The following TMC1 variants were observed in gnomAD, a reference collection of about 807,000 sequenced individuals.
The protein encoded by TMC1 is transmembrane channel like 1.
Under a neutral mutation model 105.8 loss-of-function variants are expected in TMC1, and 84 were observed. That is an observed-to-expected ratio of 0.79 (90% CI 0.67 to 0.95). The LOEUF is 0.95. Ranked by LOEUF, TMC1 falls within the 40% of genes least tolerant of loss-of-function variation. TMC1 has a pLI of 0.00. For synonymous variants in TMC1, 315 were observed against 311.5 expected (o/e 1.01, Z -0.12); for missense variants, 817 against 914.1 (o/e 0.89, Z 1.37).
At chr9:72,742,108 A>G (rs1393361618) in intron 9 of TMC1, among the ~76,000 whole-genome samples, 7 of 152,146 alleles carry the variant, frequency 4.6e-5, no homozygotes, top group Admixed American at 4.6e-4. Context: ...AATGAAAACT[A>G]ATTAAACACA....
chr9:72,789,426 A>T, intron 15 of TMC1, 109 bp downstream of exon 15: 1 of 1,044,962 alleles, frequency 9.6e-7, no homozygotes, highest in Non-Finnish European at 1.5e-6. Flanking sequence ...CCTATCCCCT[A>T]TCCTGCCCTT....
At chr9:72,768,358 G>A (rs1827872002) in intron 12 of TMC1, among the ~76,000 whole-genome samples, 1 of 152,016 alleles carries the variant, frequency 6.6e-6, no homozygotes, top group East Asian at 1.9e-4. Context: ...AGCATTAGAA[G>A]GAATACCTAA....
At chr9:72,581,237 G>A (rs1824469218) in intron 2 of TMC1, among the ~76,000 whole-genome samples, 1 of 152,172 alleles carries the variant, frequency 6.6e-6, no homozygotes, top group Non-Finnish European at 1.5e-5. Flanking sequence ...AGGGGAAATA[G>A]AAGGTTGACA....
chr9:72,802,604 T>C (rs1306827890), intron 17 of TMC1, among the ~76,000 whole-genome samples: 1 of 152,150 alleles, frequency 6.6e-6, no homozygotes, highest in Non-Finnish European at 1.5e-5. Flanking sequence ...AATAATGGAA[T>C]GAAGGCAGAA....
At chr9:72,654,882 A>G (rs185098636) in intron 5 of TMC1, among the ~76,000 whole-genome samples, 5 of 151,682 alleles carry the variant, frequency 3.3e-5, no homozygotes, top group Admixed American at 2.6e-4. Context: ...TTTTTGTAGT[A>G]CAGATCTGTT....
At chr9:72,794,220 C>G (rs907826950) in intron 17 of TMC1, among the ~76,000 whole-genome samples, 1 of 152,122 alleles carries the variant, frequency 6.6e-6, no homozygotes, top group East Asian at 1.9e-4. Flanking sequence ...AGCAAAAGAC[C>G]CTTGGCCATA....
At chr9:72,577,474 C>T (rs1824402801) in intron 1 of TMC1, among the ~76,000 whole-genome samples, 2 of 152,348 alleles carry the variant, frequency 1.3e-5, no homozygotes, top group Admixed American at 1.3e-4. Context: ...AAGTGCACTT[C>T]ATAATGCCTC....
intron 4 of TMC1, among the ~76,000 whole-genome samples, chr9:72,629,645 T>C (rs1303870744): frequency 1.3e-5 from 2 of 152,092 alleles, no homozygotes; most frequent in African/African-American, 4.8e-5. Flanking sequence ...GGGAACAACA[T>C]AGACAAAATC....
At chr9:72,661,002 A>G (rs1174081477) in intron 5 of TMC1, among the ~76,000 whole-genome samples, 2 of 152,156 alleles carry the variant, frequency 1.3e-5, no homozygotes, top group African/African-American at 4.8e-5. Flanking sequence ...AATACAAAAA[A>G]TTAGCCATGC....
intron 12 of TMC1, among the ~76,000 whole-genome samples, chr9:72,762,980 A>G (rs1293250449): frequency 6.6e-6 from 1 of 151,992 alleles, no homozygotes; most frequent in Non-Finnish European, 1.5e-5. Context: ...ACTTTATGAC[A>G]CAGCTCTAGC....
intron 1 of TMC1, among the ~76,000 whole-genome samples, chr9:72,544,012 C>T (rs1823723667): frequency 7.0e-6 from 1 of 143,812 alleles, no homozygotes. Flanking sequence ...AGTGCAGTGG[C>T]GTGATCTTGG....
At chr9:72,598,260 C>T (rs1824751093) in intron 2 of TMC1, among the ~76,000 whole-genome samples, 2 of 152,152 alleles carry the variant, frequency 1.3e-5, no homozygotes, top group Non-Finnish European at 2.9e-5. Context: ...GGCAAACTAA[C>T]AAGCTCTTGC....
Position 72,601,171 on chromosome 9 carries a change from CACACACACACACACACACACACAG to C in TMC1, c.-305-15173_-305-15150del, listed in dbSNP as rs1381136875. Among the ~76,000 whole-genome samples, 764 of 133,198 alleles carry C rather than the reference CACACACACACACACACACACACAG, an allele frequency of 5.7e-3. 3 individuals carry two copies. The highest frequency in any genetic ancestry group is 0.021 in the African/African-American group (659 of 31,218). 87.4% of individuals were successfully genotyped at this position (133,198 alleles called of 152,430 possible). On this transcript the variant is annotated intron_variant, in intron 2 of 23. Coordinates refer to ENST00000297784, the MANE Select transcript of TMC1 (RefSeq NM_138691.3). Reference sequence around the variant, plus strand: ...GCAACATAGCAAGACACTGTTTCTACACACACACACACACACACACACAGACACACACACACACACACACACACA... The same window carrying C: ...GCAACATAGCAAGACACTGTTTCTACACACACACACACACACACACACACA...
chr9:72,659,807 G>C (rs952136705), intron 5 of TMC1, among the ~76,000 whole-genome samples: 3 of 152,174 alleles, frequency 2.0e-5, no homozygotes, highest in Non-Finnish European at 4.4e-5. Context: ...GAACTTTTAT[G>C]AGAAAGAACT....
At chr9:72,787,926 A>C (rs1370647722) in intron 13 of TMC1, among the ~76,000 whole-genome samples, 1 of 152,164 alleles carries the variant, frequency 6.6e-6, no homozygotes, top group Non-Finnish European at 1.5e-5. Context: ...AACCAACTAA[A>C]GTTGTGTGGA....
intron 15 of TMC1, among the ~76,000 whole-genome samples, chr9:72,790,458 G>T (rs1828248566): frequency 6.6e-6 from 1 of 152,096 alleles, no homozygotes; most frequent in African/African-American, 2.4e-5. Context: ...AATGAAAAAT[G>T]TAGGAACACC....
chr9:72,824,981 A>G lies in TMC1; in HGVS notation c.2004-1888A>G, dbSNP rs76209790. ...ACTAGGTGCAGGTTTTTTAGTATTA[A>G]AAGTTAAAATTATATTGTGAGACTG... On this transcript the variant is annotated intron_variant, in intron 20 of 23. Coordinates refer to ENST00000297784, the MANE Select transcript of TMC1 (RefSeq NM_138691.3). 4.6e-3 allele frequency among the ~76,000 whole-genome samples: 696 copies of G among 152,336 alleles called. 2 individuals are homozygous for G. The highest frequency in any genetic ancestry group is 7.7e-3 in the Non-Finnish European group (527 of 68,032).
chr9:72,637,534 T>C lies in TMC1; in HGVS notation c.-53+9471T>C, dbSNP rs568227052. ...TTTTAAATCTCTCTGCAGTTAGTTA[T>C]AATCATTCAACTCTTTTAGTCATTC... On this transcript the variant is annotated intron_variant, in intron 4 of 23. Coordinates refer to ENST00000297784, the MANE Select transcript of TMC1 (RefSeq NM_138691.3). 3.2e-4 allele frequency among the ~76,000 whole-genome samples: 49 copies of C among 152,182 alleles called. 1 individual carries two copies. Among genetic ancestry groups the C allele is most frequent in the Non-Finnish European group, 5.9e-5 (4 of 68,042 alleles).
At chr9:72,631,197 G>A (rs1042733711) in intron 4 of TMC1, among the ~76,000 whole-genome samples, 2 of 151,980 alleles carry the variant, frequency 1.3e-5, no homozygotes, top group South Asian at 2.1e-4. Context: ...CATTTTTAAT[G>A]ATGTTTTTAA....
Sources: gnomAD v4.1 joint callset for allele counts (sites outside exome capture counted in the v4.1 genomes callset) on GRCh38, gnomAD v4.1.1 for gene constraint, MANE v1.5 for transcripts, NCBI Gene and HGNC (gene_info 2026-07-23, HGNC 2026-07-21) for gene names.